The following CS variants were observed in gnomAD, a reference collection of about 807,000 sequenced individuals.
CS encodes the protein citrate synthase, mitochondrial.
Under a neutral mutation model 61.4 loss-of-function variants are expected in CS, and 13 were observed. That is an observed-to-expected ratio of 0.21 (90% CI 0.14 to 0.34). The LOEUF is 0.34. CS is among the 10% of genes least tolerant of loss of function. CS has a pLI of 1.00. For missense variants in CS, 278 were observed against 573.4 expected, an observed-to-expected ratio of 0.48 and a Z score of 5.26; for synonymous variants, 159 against 215.2, an observed-to-expected ratio of 0.74 and a Z score of 2.29.
chr12:56,277,129 G>A (rs1442757738), intron 6 of CS, among the ~76,000 whole-genome samples: 8 of 151,140 alleles, frequency 5.3e-5, no homozygotes, highest in Non-Finnish European at 1.2e-4. Flanking sequence ...GCTTGAACCC[G>A]GGAGGTGGAG....
chr12:56,300,313 A>G lies in CS; in HGVS notation c.-112T>C. On this transcript the variant is annotated 5_prime_UTR_variant, in exon 1 of 11. Coordinates refer to ENST00000351328, the MANE Select transcript of CS (RefSeq NM_004077.3). The stretch of plus-strand genomic sequence containing the variant: ...CCGCGCCGACGGGTTGACAAGGTTG[A>G]AAGGAGGCGGCTGAAGGAAAGAGTA... 8.4e-7 allele frequency: 1 copy of G among 1,194,268 alleles called. No individual in the cohort carries two copies. The highest frequency in any genetic ancestry group is 1.2e-6 in the Non-Finnish European group (1 of 851,898). The allele number at this position is 1,194,268 out of a possible 1,614,324, so 74.0% of individuals were successfully genotyped here.
chr12:56,280,227 A>G (rs1439312669), intron 6 of CS, among the ~76,000 whole-genome samples: 3 of 152,098 alleles, frequency 2.0e-5, no homozygotes, highest in African/African-American at 7.2e-5. Context: ...CAGCCTGGCC[A>G]ACATAGTGAA....
intron 7 of CS, 189 bp from the exon 8 acceptor site, chr12:56,275,320 ATC>A (rs1872599350): frequency 6.3e-6 from 4 of 633,392 alleles, no homozygotes; most frequent in Non-Finnish European, 1.1e-5. Flanking sequence ...CACGCCTATA[ATC>A]CTAGCACTTT....
chr12:56,281,862 T>A (rs1436781121), intron 6 of CS, among the ~76,000 whole-genome samples: 1 of 152,074 alleles, frequency 6.6e-6, no homozygotes, highest in Non-Finnish European at 1.5e-5. Flanking sequence ...ACAGCAAGAC[T>A]ATGGAATTTT....
intron 6 of CS, among the ~76,000 whole-genome samples, chr12:56,281,910 G>A (rs1385062232): frequency 6.6e-6 from 1 of 152,196 alleles, no homozygotes; most frequent in Non-Finnish European, 1.5e-5. Flanking sequence ...CCAGGCTGGA[G>A]TGCAGTGGTG....
chr12:56,281,832 C>T (rs1216994437), intron 6 of CS, among the ~76,000 whole-genome samples: 1 of 151,996 alleles, frequency 6.6e-6, no homozygotes, highest in Non-Finnish European at 1.5e-5. Context: ...TTTCAACAGC[C>T]ATGTGTACAT....
intron 6 of CS, among the ~76,000 whole-genome samples, chr12:56,278,640 G>A (rs1465889045): frequency 6.6e-6 from 1 of 151,786 alleles, no homozygotes; most frequent in Admixed American, 6.5e-5. Context: ...GGGAGGCCAA[G>A]GCAGGAAAAT....
intron 6 of CS, among the ~76,000 whole-genome samples, chr12:56,282,104 G>A (rs575098577): frequency 1.3e-5 from 2 of 152,270 alleles, no homozygotes; most frequent in Admixed American, 6.5e-5. Flanking sequence ...TGATCTGCCC[G>A]CCTTGGCCTC....
At chr12:56,280,809 A>G (rs1040261309) in intron 6 of CS, among the ~76,000 whole-genome samples, 2 of 152,156 alleles carry the variant, frequency 1.3e-5, no homozygotes, top group Non-Finnish European at 2.9e-5. Flanking sequence ...ATACACATTC[A>G]TACCACCTAA....
At chr12:56,294,367 G>A (rs947939698) in intron 1 of CS, among the ~76,000 whole-genome samples, 6 of 150,796 alleles carry the variant, frequency 4.0e-5, no homozygotes, top group Non-Finnish European at 8.9e-5. Flanking sequence ...TCAGCTAACC[G>A]GGAAGCTGAG....
intron 6 of CS, among the ~76,000 whole-genome samples, chr12:56,279,445 T>C (rs1286612390): frequency 6.6e-6 from 1 of 152,100 alleles, no homozygotes; most frequent in African/African-American, 2.4e-5. Context: ...AAGATCAGCC[T>C]GGCCAACACA....
chr12:56,291,971 G>A (rs1873138629), intron 1 of CS, among the ~76,000 whole-genome samples: 1 of 152,202 alleles, frequency 6.6e-6, no homozygotes, highest in Non-Finnish European at 1.5e-5. Context: ...CCTCTAGTGA[G>A]TCAGCTATTA....
intron 1 of CS, among the ~76,000 whole-genome samples, chr12:56,295,870 C>T (rs562216912): frequency 3.5e-4 from 47 of 133,252 alleles, no homozygotes; most frequent in Non-Finnish European, 1.6e-4. Flanking sequence ...AGGAGAATGG[C>T]GTGAACCCCA....
At chr12:56,274,018 T>C (rs1872572014) in intron 9 of CS, 3 of 513,452 alleles carry the variant, frequency 5.8e-6, no homozygotes, top group South Asian at 2.1e-5. Flanking sequence ...TTTTTTTTGG[T>C]AAAGATGGGG....
At chr12:56,294,312 A>G (rs1873226200) in intron 1 of CS, among the ~76,000 whole-genome samples, 1 of 151,678 alleles carries the variant, frequency 6.6e-6, no homozygotes, top group Non-Finnish European at 1.5e-5. Flanking sequence ...TGTCTCTACT[A>G]AAAATGCAAA....
intron 1 of CS, among the ~76,000 whole-genome samples, chr12:56,293,320 C>T (rs1873191375): frequency 1.3e-5 from 2 of 152,180 alleles, no homozygotes; most frequent in South Asian, 4.1e-4. Flanking sequence ...ACATAACCAA[C>T]ATTAAAACCT....
At chr12:56,287,340 G>T (rs560193621) in intron 1 of CS, among the ~76,000 whole-genome samples, 2 of 152,008 alleles carry the variant, frequency 1.3e-5, no homozygotes, top group Admixed American at 1.3e-4. Context: ...TTAGCCAGGC[G>T]TGGTATGGGC....
At chr12:56,276,892 C>A (rs1297485270) in intron 6 of CS, among the ~76,000 whole-genome samples, 1 of 152,038 alleles carries the variant, frequency 6.6e-6, no homozygotes, top group Non-Finnish European at 1.5e-5. Flanking sequence ...ACTTGACGTT[C>A]AATGTGTTAA....
intron 7 of CS, chr12:56,275,569 T>TAAAAAAAA (rs769377638): frequency 9.5e-6 from 1 of 105,046 alleles, no homozygotes; most frequent in Non-Finnish European, 1.9e-5. Flanking sequence ...AGACTCCATC[T>TAAAAAAAA]AAAAAAAAAA....
Sources: gnomAD v4.1 joint callset for allele counts (sites outside exome capture counted in the v4.1 genomes callset) on GRCh38, gnomAD v4.1.1 for gene constraint, MANE v1.5 for transcripts, NCBI Gene and HGNC (gene_info 2026-07-23, HGNC 2026-07-21) for gene names.